CSGALNACT1: variants seen among roughly 807,000 people sequenced by gnomAD.
The protein encoded by CSGALNACT1 is chondroitin sulfate N-acetylgalactosaminyltransferase 1.
A neutral mutation model predicts 51.0 loss-of-function variants in CSGALNACT1; 52 were observed. The ratio of observed to expected loss-of-function variants is 1.02; its 90% CI spans 0.82 to 1.29. The LOEUF (loss-of-function observed/expected upper bound fraction) is 1.29. Among genes scored for constraint, CSGALNACT1 ranks in the 50% most tolerant of loss-of-function variants. The pLI is 0.00. For missense variants in CSGALNACT1, 935 were observed against 679.2 expected (o/e 1.38, Z -4.19); for synonymous variants, 341 against 254.4 (o/e 1.34, Z -3.24).
intron 4 of CSGALNACT1, among the ~76,000 whole-genome samples, chr8:19,494,660 C>A (rs1279993518): frequency 6.6e-6 from 1 of 152,158 alleles, no homozygotes; most frequent in Non-Finnish European, 1.5e-5. Context: ...TATTCCTACA[C>A]TTAACAAAGT....
intron 8 of CSGALNACT1, among the ~76,000 whole-genome samples, chr8:19,409,498 TATAG>T (rs746615835): frequency 2.8e-3 from 306 of 110,954 alleles, no homozygotes; most frequent in East Asian, 0.01. Context: ...TATATATATA[TATAG>T]AGAGAGAGAG....
intron 1 of CSGALNACT1, among the ~76,000 whole-genome samples, chr8:19,628,456 G>A (rs6983181): frequency 0.21 from 32,308 of 152,068 alleles, 3,797 homozygotes; most frequent in African/African-American, 0.27. Flanking sequence ...TGATACATGG[G>A]GATTACAATT....
At position 19,426,768 on chromosome 8, in the gene CSGALNACT1, G is replaced by A. The variant is rs2153712160; in HGVS notation, c.954-6250C>T. Among the ~76,000 whole-genome samples, 3 of 152,232 alleles carry A rather than the reference G, an allele frequency of 2.0e-5. 1 individual carries two copies. Among genetic ancestry groups the A allele is most frequent in the Middle Eastern group, 6.8e-3 (2 of 294 alleles). Reference sequence around the variant, plus strand: ...TGACAAAGCTACTGTTTCTACAGGAGATTTAATTTCCCTAATTGACTTGCA... The same window carrying A: ...TGACAAAGCTACTGTTTCTACAGGAAATTTAATTTCCCTAATTGACTTGCA... On this transcript the variant is annotated intron_variant, in intron 6 of 9. Transcript: ENST00000454498.
intron 6 of CSGALNACT1, among the ~76,000 whole-genome samples, chr8:19,438,364 G>C (rs1014993025): frequency 4.6e-5 from 7 of 152,122 alleles, no homozygotes; most frequent in Non-Finnish European, 8.8e-5. Context: ...CTACCCACTG[G>C]GCAGAGGACA....
At chr8:19,657,702 A>T (rs374411593) in intron 1 of CSGALNACT1, among the ~76,000 whole-genome samples, 1 of 152,238 alleles carries the variant, frequency 6.6e-6, no homozygotes, top group Non-Finnish European at 1.5e-5. Context: ...AAATCTGAGG[A>T]AAGAATGTTC....
chr8:19,491,301 T>C (rs1232970142), intron 4 of CSGALNACT1, among the ~76,000 whole-genome samples: 1 of 152,236 alleles, frequency 6.6e-6, no homozygotes, highest in African/African-American at 2.4e-5. Context: ...GTTAGACAAC[T>C]AATTGCTTCT....
At chr8:19,706,406 C>G (rs2062167328) in intron 1 of CSGALNACT1, among the ~76,000 whole-genome samples, 1 of 152,076 alleles carries the variant, frequency 6.6e-6, no homozygotes, top group South Asian at 2.1e-4. Flanking sequence ...GCTGGGGAAA[C>G]CTAAGAGAGC....
chr8:19,748,822 G>A (rs763372352), intron 1 of CSGALNACT1, among the ~76,000 whole-genome samples: 2 of 151,942 alleles, frequency 1.3e-5, no homozygotes, highest in Non-Finnish European at 1.5e-5. Flanking sequence ...AAAATTAGCC[G>A]GGTGTGGTGG....
chr8:19,480,451 G>C (rs939154396), intron 4 of CSGALNACT1, among the ~76,000 whole-genome samples: 19 of 152,134 alleles, frequency 1.2e-4, no homozygotes, highest in Non-Finnish European at 5.9e-5. Context: ...ATGATCTTGT[G>C]CTTTTTTATG....
At chr8:19,596,822 T>C (rs887966045) in intron 2 of CSGALNACT1, among the ~76,000 whole-genome samples, 11 of 152,244 alleles carry the variant, frequency 7.2e-5, no homozygotes, top group Middle Eastern at 3.2e-3. Flanking sequence ...TTATTTTTAA[T>C]TGTAAAATTC....
At chr8:19,405,627 A>T in exon 10 of CSGALNACT1, 1 of 1,014,002 alleles carries the variant, frequency 9.9e-7, no homozygotes, top group Non-Finnish European at 1.5e-6. Context: ...TGTTGTAAAA[A>T]GCCCAACAGA....
At chr8:19,670,740 C>A (rs1431085884) in intron 1 of CSGALNACT1, among the ~76,000 whole-genome samples, 2 of 149,794 alleles carry the variant, frequency 1.3e-5, no homozygotes, top group Admixed American at 6.7e-5. Context: ...ACACATGAGA[C>A]AAGTACAGCA....
rs534118763 is a variant in CSGALNACT1 at position 19,418,016 on chromosome 8, A to G, written c.1227+640T>C. Among the ~76,000 whole-genome samples the G allele has an allele frequency of 4.4e-4, 67 of 152,288 alleles. 1 individual carries two copies. In the South Asian group the frequency reaches 0.014, roughly 32 times the overall value. ...GGACCCTTGGGGGCTGTGTGCATCC[A>G]CTATCCATCACCTGTGCAGCCAGGA... On this transcript the variant is annotated intron_variant, in intron 8 of 9. Transcript: ENST00000454498.
chr8:19,558,053 C>T (rs2039861860), intron 3 of CSGALNACT1, among the ~76,000 whole-genome samples: 1 of 152,246 alleles, frequency 6.6e-6, no homozygotes, highest in Non-Finnish European at 1.5e-5. Flanking sequence ...CTCATCTCAT[C>T]TCTTGGACAA....
At chr8:19,605,834 C>G (rs1172319379), upstream of CSGALNACT1, among the ~76,000 whole-genome samples, 4 of 152,182 alleles carry the variant, frequency 2.6e-5, no homozygotes, top group African/African-American at 4.8e-5. Context: ...CAAAAATCAT[C>G]TACTGAAAAG....
chr8:19,549,834 T>A (rs1219970592), intron 3 of CSGALNACT1, among the ~76,000 whole-genome samples: 4 of 152,242 alleles, frequency 2.6e-5, no homozygotes, highest in Middle Eastern at 3.4e-3. Context: ...TTGGTGATCA[T>A]GTTCCCTGAG....
chr8:19,624,929 G>A (rs1019552022), intron 1 of CSGALNACT1, among the ~76,000 whole-genome samples: 4 of 152,050 alleles, frequency 2.6e-5, no homozygotes, highest in South Asian at 4.1e-4. Flanking sequence ...CGCCCACCTC[G>A]GCCTCCCAAA....
intron 3 of CSGALNACT1, among the ~76,000 whole-genome samples, chr8:19,573,277 A>G (rs1212906677): frequency 6.6e-6 from 1 of 152,146 alleles, no homozygotes; most frequent in Non-Finnish European, 1.5e-5. Flanking sequence ...AACAAGCACA[A>G]CTGCTGGAAA....
At chr8:19,600,025 T>C (rs904142936) in intron 2 of CSGALNACT1, among the ~76,000 whole-genome samples, 1 of 152,164 alleles carries the variant, frequency 6.6e-6, no homozygotes, top group African/African-American at 2.4e-5. Context: ...AACATATCCT[T>C]CATAGAGCTT....
Sources: allele counts gnomAD v4.1 joint callset (sites outside exome capture counted in the v4.1 genomes callset), GRCh38; gene constraint gnomAD v4.1.1; transcripts MANE v1.5; gene names NCBI Gene and HGNC (gene_info 2026-07-23, HGNC 2026-07-21).